Variants in EPHA6 observed in about 807,000 individuals in gnomAD.
EPHA6 encodes EPH receptor A6.
Under a neutral mutation model 112.0 loss-of-function variants are expected in EPHA6, and 50 were observed. That is an observed-to-expected ratio of 0.45 (90% confidence interval 0.36 to 0.56). The LOEUF is 0.56. Ranked by LOEUF, EPHA6 falls within the 20% of genes least tolerant of loss-of-function variation. The pLI is 0.00. For synonymous variants in EPHA6, 529 were observed against 490.7 expected, an observed-to-expected ratio of 1.08 and a Z score of -1.03; for missense variants, 1,280 against 1,417.4, an observed-to-expected ratio of 0.90 and a Z score of 1.56.
Position 96,815,106 on chromosome 3 carries a change from G to A in EPHA6, c.385+98G>A, listed in dbSNP as rs928798364. On this transcript the variant is annotated intron_variant, in intron 1 of 17. Transcript: ENST00000389672. ...CTCCTGCAGGTAACTTTGTACAGGG[G>A]TCAGAGTCTCCTGGCTCGCCACACG... 1.1e-5 allele frequency: 13 copies of A among 1,221,292 alleles called. No homozygotes were observed. The South Asian group carries it at 2.2e-4, about 21-fold the overall frequency. 75.7% of individuals were successfully genotyped at this position (1,221,292 alleles called of 1,614,324 possible). A position where few individuals can be genotyped will look rare whatever the true frequency, so the allele number is the denominator to read the frequency against.
chr3:96,969,885 C>G (rs1398311908), intron 2 of EPHA6, among the ~76,000 whole-genome samples: 3 of 151,952 alleles, frequency 2.0e-5, no homozygotes, highest in African/African-American at 4.8e-5. Context: ...ACATCACACT[C>G]TCAGGAGATT....
intron 6 of EPHA6, among the ~76,000 whole-genome samples, chr3:97,434,309 T>A (rs1426007241): frequency 6.6e-6 from 1 of 152,150 alleles, no homozygotes; most frequent in Non-Finnish European, 1.5e-5. Flanking sequence ...ATAGTAGCTT[T>A]GAGAATTTTC....
rs12491207 is a variant in EPHA6 at position 97,187,680 on chromosome 3, A to G, written c.1115-38584A>G. 9.1e-3 allele frequency among the ~76,000 whole-genome samples: 1,178 copies of G among 129,640 alleles called. 5 individuals are homozygous for G. The highest frequency in any genetic ancestry group is 0.012 in the Non-Finnish European group (701 of 60,330). 85.0% of individuals were successfully genotyped at this position (129,640 alleles called of 152,430 possible). A position where few individuals can be genotyped will look rare whatever the true frequency, so the allele number is the denominator to read the frequency against. On this transcript the variant is annotated intron_variant, in intron 3 of 17. Transcript: ENST00000389672. Reference sequence around the variant, plus strand: ...AAAGAAAGGAAAGAAAGAAAGAGAAAGAAAGAAGGAAAGAAAGAAAGAAAG... The same window carrying G: ...AAAGAAAGGAAAGAAAGAAAGAGAAGGAAAGAAGGAAAGAAAGAAAGAAAG...
At chr3:96,927,350 A>G (rs550385996) in intron 2 of EPHA6, among the ~76,000 whole-genome samples, 2 of 152,334 alleles carry the variant, frequency 1.3e-5, no homozygotes, top group Non-Finnish European at 2.9e-5. Context: ...CATGCCCTGG[A>G]AACATTTTCT....
intron 2 of EPHA6, among the ~76,000 whole-genome samples, chr3:96,941,702 C>T (rs1454072691): frequency 6.6e-6 from 1 of 152,192 alleles, no homozygotes; most frequent in Non-Finnish European, 1.5e-5. Context: ...AGTTTTTCTG[C>T]TCTGTTTTTT....
chr3:97,738,172 A>C (rs2107861888), intron 16 of EPHA6, among the ~76,000 whole-genome samples: 1 of 151,686 alleles, frequency 6.6e-6, no homozygotes, highest in South Asian at 2.1e-4. Flanking sequence ...TTTTTTTTCA[A>C]GAAACCTGTC....
intron 5 of EPHA6, among the ~76,000 whole-genome samples, chr3:97,258,886 T>C (rs1370363567): frequency 1.5e-5 from 2 of 137,208 alleles, no homozygotes; most frequent in East Asian, 2.0e-4. Flanking sequence ...TTCTATATCA[T>C]TCTAAAGACT....
At chr3:97,687,785 C>T (rs1271333658) in intron 14 of EPHA6, among the ~76,000 whole-genome samples, 3 of 152,198 alleles carry the variant, frequency 2.0e-5, no homozygotes, top group Non-Finnish European at 4.4e-5. Context: ...GTCTGCAGGT[C>T]CACTGTGGCA....
chr3:97,665,517 G>A (rs1373675640), intron 14 of EPHA6, among the ~76,000 whole-genome samples: 1 of 152,060 alleles, frequency 6.6e-6, no homozygotes, highest in African/African-American at 2.4e-5. Flanking sequence ...CATGTTATCA[G>A]CATATTAAAA....
intron 5 of EPHA6, among the ~76,000 whole-genome samples, chr3:97,274,628 G>T (rs1467697725): frequency 6.6e-6 from 1 of 152,178 alleles, no homozygotes; most frequent in Admixed American, 6.5e-5. Context: ...GGTAGTGGAG[G>T]GGGGCAGAGT....
At position 97,760,090 on chromosome 3, in the gene EPHA6, A is replaced by T. The variant is rs529897718; in HGVS notation, c.*11389A>T. On this transcript the variant is annotated 3_prime_UTR_variant, in exon 18 of 18. Coordinates refer to ENST00000389672, the MANE Select transcript of EPHA6 (RefSeq NM_001080448.3). ...CTTAATCCTGAAAGATGTATATTGCATAATCAACCTGTCACTTTTTTCAAA... is the reference window on the plus strand; with the variant it reads ...CTTAATCCTGAAAGATGTATATTGCTTAATCAACCTGTCACTTTTTTCAAA... The T allele has an allele frequency of 1.6e-5, 3 of 183,010 alleles. No individual in the cohort carries two copies. In the East Asian group the frequency reaches 2.7e-4, roughly 16 times the overall value. 11.3% of individuals were successfully genotyped at this position (183,010 alleles called of 1,614,324 possible).
chr3:97,633,984 CTTAGAAGTCT>C, intron 13 of EPHA6, among the ~76,000 whole-genome samples: 1 of 152,060 alleles, frequency 6.6e-6, no homozygotes, highest in South Asian at 2.1e-4. Flanking sequence ...GTTAAATGAC[CTTAGAAGTCT>C]TTATATGTTG....
intron 7 of EPHA6, among the ~76,000 whole-genome samples, chr3:97,474,386 G>GT (rs1256601696): frequency 1.3e-5 from 2 of 151,728 alleles, no homozygotes; most frequent in East Asian, 3.9e-4. Flanking sequence ...GATTGATTTG[G>GT]TTTTTTATAT....
At chr3:97,330,978 T>C (rs542530101) in intron 5 of EPHA6, among the ~76,000 whole-genome samples, 4 of 152,174 alleles carry the variant, frequency 2.6e-5, no homozygotes, top group Admixed American at 6.6e-5. Flanking sequence ...TATTCCAAAA[T>C]TGACCACATA....
At chr3:96,893,528 G>A (rs1336380846) in intron 2 of EPHA6, among the ~76,000 whole-genome samples, 1 of 152,170 alleles carries the variant, frequency 6.6e-6, no homozygotes, top group Non-Finnish European at 1.5e-5. Flanking sequence ...TTATTTAGGT[G>A]GGAAATTAAT....
intron 10 of EPHA6, among the ~76,000 whole-genome samples, chr3:97,511,344 T>C (rs955756265): frequency 1.3e-5 from 2 of 152,234 alleles, no homozygotes; most frequent in African/African-American, 4.8e-5. Context: ...TTCTGCGGGT[T>C]GTGAAGACTG....
At chr3:96,844,257 T>C (rs1432402939) in intron 1 of EPHA6, among the ~76,000 whole-genome samples, 1 of 152,034 alleles carries the variant, frequency 6.6e-6, no homozygotes, top group East Asian at 1.9e-4. Flanking sequence ...TCTATAAACA[T>C]GAACCTCAGT....
At chr3:97,277,964 A>G (rs1286841645) in intron 5 of EPHA6, among the ~76,000 whole-genome samples, 3 of 152,250 alleles carry the variant, frequency 2.0e-5, no homozygotes, top group Admixed American at 2.0e-4. Flanking sequence ...AGATGACAGC[A>G]ATATTTGAGC....
At chr3:97,313,841 A>G (rs895817897) in intron 5 of EPHA6, among the ~76,000 whole-genome samples, 1 of 151,446 alleles carries the variant, frequency 6.6e-6, no homozygotes, top group Non-Finnish European at 1.5e-5. Context: ...TCTTCACTCT[A>G]TTCGTTATTT....
Sources: allele counts gnomAD v4.1 joint callset (sites outside exome capture counted in the v4.1 genomes callset), GRCh38; gene constraint gnomAD v4.1.1; transcripts MANE v1.5; gene names NCBI Gene and HGNC (gene_info 2026-07-23, HGNC 2026-07-21).